MAGI2: variants seen among roughly 807,000 people sequenced by gnomAD.
MAGI2 encodes membrane associated guanylate kinase, WW and PDZ domain containing 2.
Under a neutral mutation model 133.3 loss-of-function variants are expected in MAGI2, and 35 were observed. The observed-to-expected ratio is 0.26, with a 90% CI of 0.20 to 0.35. The LOEUF is 0.35. Among genes scored for constraint, MAGI2 ranks in the 10% least tolerant of loss-of-function variants. MAGI2 has a pLI of 1.00. For missense variants in MAGI2, 1,636 were observed against 1,863.4 expected, an observed-to-expected ratio of 0.88 and a Z score of 2.25; for synonymous variants, 729 against 710.6, an observed-to-expected ratio of 1.03 and a Z score of -0.41.
At chr7:78,941,104 C>A (rs938402552) in intron 2 of MAGI2, among the ~76,000 whole-genome samples, 5 of 152,150 alleles carry the variant, frequency 3.3e-5, no homozygotes, top group African/African-American at 1.2e-4. Context: ...TTCTTCCCTC[C>A]TGAGATAATG....
chr7:78,580,586 G>A (rs1034513417), intron 3 of MAGI2, among the ~76,000 whole-genome samples: 3 of 152,134 alleles, frequency 2.0e-5, no homozygotes, highest in African/African-American at 7.2e-5. Flanking sequence ...ATACAAAATT[G>A]AAAGTGATTT....
chr7:79,020,307 G>A (rs987382042), intron 1 of MAGI2, among the ~76,000 whole-genome samples: 1 of 152,156 alleles, frequency 6.6e-6, no homozygotes, highest in African/African-American at 2.4e-5. Context: ...GCTCTTAAAA[G>A]CATTCAGTGT....
intron 9 of MAGI2, among the ~76,000 whole-genome samples, chr7:78,296,329 C>T (rs528702335): frequency 6.6e-6 from 1 of 152,162 alleles, no homozygotes; most frequent in Non-Finnish European, 1.5e-5. Context: ...TGCTGTCAGG[C>T]CAAGCAAAGC....
intron 2 of MAGI2, among the ~76,000 whole-genome samples, chr7:78,859,932 T>C (rs1794014030): frequency 6.6e-6 from 1 of 152,188 alleles, no homozygotes; most frequent in Admixed American, 6.5e-5. Flanking sequence ...GAGGTTTTGT[T>C]CATTTCTTTT....
intron 7 of MAGI2, among the ~76,000 whole-genome samples, chr7:78,348,769 G>T (rs1233562320): frequency 6.6e-6 from 1 of 152,208 alleles, no homozygotes; most frequent in Non-Finnish European, 1.5e-5. Context: ...TCATTAAGAA[G>T]ATTTGAGGAC....
At chr7:79,292,800 A>G (rs76381714) in intron 1 of MAGI2, among the ~76,000 whole-genome samples, 4 of 144,618 alleles carry the variant, frequency 2.8e-5, no homozygotes, top group Non-Finnish European at 6.0e-5. Flanking sequence ...AAAAAAAAAA[A>G]GGCAGCTCCT....
At chr7:78,236,852 T>G (rs1264159829) in intron 10 of MAGI2, among the ~76,000 whole-genome samples, 3 of 152,160 alleles carry the variant, frequency 2.0e-5, no homozygotes, top group Non-Finnish European at 2.9e-5. Flanking sequence ...AAGTTTCACA[T>G]GGCTGGGGAG....
chr7:78,729,828 C>G (rs1302413008), intron 2 of MAGI2, among the ~76,000 whole-genome samples: 1 of 152,052 alleles, frequency 6.6e-6, no homozygotes, highest in East Asian at 1.9e-4. Flanking sequence ...TTTGAGAGAC[C>G]AAGAGTTCTG....
intron 10 of MAGI2, among the ~76,000 whole-genome samples, chr7:78,234,933 T>G (rs951881706): frequency 3.3e-5 from 5 of 152,114 alleles, no homozygotes; most frequent in Admixed American, 6.6e-5. Flanking sequence ...AAAATAAAAT[T>G]TATTACAGTA....
intron 16 of MAGI2, among the ~76,000 whole-genome samples, chr7:78,141,697 T>A (rs990439773): frequency 2.6e-5 from 4 of 152,104 alleles, no homozygotes; most frequent in Non-Finnish European, 5.9e-5. Context: ...ATTCAAAAAG[T>A]GCGTTTTCCC....
Position 78,901,871 on chromosome 7 carries a change from T to G in MAGI2, c.418+105219A>C, listed in dbSNP as rs549644087. Among the ~76,000 whole-genome samples, 6 of 152,262 alleles carry G rather than the reference T, an allele frequency of 3.9e-5. No individual in the cohort carries two copies. The South Asian group carries it at 1.2e-3, about 32-fold the overall frequency. On this transcript the variant is annotated intron_variant, in intron 2 of 21. Coordinates refer to ENST00000354212, the MANE Select transcript of MAGI2 (RefSeq NM_012301.4). ...GAGGATATGTATTCCTCTTTTATAT[T>G]TTGCTAGTTTTCTATTTTCTCAGCA...
At chr7:78,689,348 G>C (rs1253747518) in intron 2 of MAGI2, among the ~76,000 whole-genome samples, 1 of 151,934 alleles carries the variant, frequency 6.6e-6, no homozygotes, top group Admixed American at 6.6e-5. Flanking sequence ...TTAGAACAAA[G>C]AGCATTTATC....
At chr7:78,886,312 T>C (rs1285371493) in intron 2 of MAGI2, among the ~76,000 whole-genome samples, 1 of 152,218 alleles carries the variant, frequency 6.6e-6, no homozygotes, top group African/African-American at 2.4e-5. Context: ...GTATTCATTG[T>C]CTCCTTTAAC....
intron 9 of MAGI2, among the ~76,000 whole-genome samples, chr7:78,290,802 A>G (rs548421296): frequency 6.6e-6 from 1 of 152,226 alleles, no homozygotes; most frequent in Non-Finnish European, 1.5e-5. Context: ...AAAACCGCTC[A>G]GCTACATGGA....
In MAGI2 at chr7:78,135,132, G is replaced by C. The variant is rs751815413; in HGVS notation, c.2920C>G (p.Arg974Gly). ...GACTGGCCATTCACTGCTAGGATCC[G>C]GTCTCCCACTTTTAGTTTTGCACAG... ...DRCAKLKVGD[R>G]ILAVNGQSII... The change falls in exon 17 of 22, where the codon CGG becomes GGG. Residue 974 changes from arginine (R) to glycine (G), a missense_variant. Arg to Gly is a moderately radical substitution (Grantham distance 125). Around this residue, in one of 5 missense-constraint regions of MAGI2, gnomAD observed 920 missense variants for 1,093.5 expected, o/e 0.84. Transcript: ENST00000354212. 5 of 1,613,910 alleles carry C rather than the reference G, an allele frequency of 3.1e-6. No homozygotes were observed. Among genetic ancestry groups the C allele is most frequent in the Non-Finnish European group, 3.4e-6 (4 of 1,179,974 alleles).
At chr7:78,148,091 C>T (rs962573197) in intron 16 of MAGI2, among the ~76,000 whole-genome samples, 6 of 152,014 alleles carry the variant, frequency 3.9e-5, no homozygotes, top group African/African-American at 7.2e-5. Context: ...TATATGAAAA[C>T]GTTTATAGAA....
chr7:79,195,976 G>T (rs1041585590), intron 1 of MAGI2, among the ~76,000 whole-genome samples: 2 of 151,796 alleles, frequency 1.3e-5, no homozygotes, highest in African/African-American at 4.9e-5. Context: ...TGGGCATCGG[G>T]GGTTGAGGAG....
intron 2 of MAGI2, among the ~76,000 whole-genome samples, chr7:78,741,376 AACACAC>A (rs55784786): frequency 0.21 from 24,386 of 117,108 alleles, 2,712 homozygotes; most frequent in South Asian, 0.3. Flanking sequence ...AAAAAGTTGA[AACACAC>A]ACACACACAC....
intron 2 of MAGI2, among the ~76,000 whole-genome samples, chr7:78,820,832 CTATT>C (rs1753604063): frequency 1.3e-5 from 2 of 151,986 alleles, no homozygotes; most frequent in South Asian, 2.1e-4. Context: ...ACACTTCAAT[CTATT>C]TATTTTATAC....
Sources: allele counts gnomAD v4.1 joint callset (sites outside exome capture counted in the v4.1 genomes callset), GRCh38; gene constraint gnomAD v4.1.1; regional missense constraint gnomAD v4.1.1; transcripts MANE v1.5; gene names NCBI Gene and HGNC (gene_info 2026-07-23, HGNC 2026-07-21).